Variants in ARPP21 observed in about 807,000 individuals in gnomAD.
The protein encoded by ARPP21 is cAMP regulated phosphoprotein 21, also known as cAMP-regulated phosphoprotein 21.
Under a neutral mutation model 113.2 loss-of-function variants are expected in ARPP21, and 69 were observed. The observed-to-expected ratio is 0.61, with a 90% CI of 0.50 to 0.74. The LOEUF (loss-of-function observed/expected upper bound fraction) is 0.74. Ranked by LOEUF, ARPP21 falls within the 30% of genes least tolerant of loss-of-function variation. The pLI is 0.00. For missense variants in ARPP21, 1,070 were observed against 1,037.4 expected (o/e 1.03, Z -0.43); for synonymous variants, 368 against 375.5 (o/e 0.98, Z 0.23).
chr3:35,777,576 A>G (rs190640334), intron 19 of ARPP21, among the ~76,000 whole-genome samples: 1 of 152,216 alleles, frequency 6.6e-6, no homozygotes, highest in Non-Finnish European at 1.5e-5. Flanking sequence ...ATTATGGCTA[A>G]ATGTACTAAA....
At chr3:35,653,058 A>C (rs1405843983) in intron 1 of ARPP21, among the ~76,000 whole-genome samples, 1 of 152,064 alleles carries the variant, frequency 6.6e-6, no homozygotes, top group African/African-American at 2.4e-5. Flanking sequence ...ATTATGTTTG[A>C]TCAAAAGCTA....
chr3:35,717,413 A>C, intron 13 of ARPP21, 56 bp downstream of exon 13: 1 of 1,032,812 alleles, frequency 9.7e-7, no homozygotes, highest in Non-Finnish European at 1.5e-6. Flanking sequence ...TGGTAGAATC[A>C]ATGTTAAATA....
At chr3:35,759,429 T>A (rs1306206042) in intron 19 of ARPP21, among the ~76,000 whole-genome samples, 1 of 152,124 alleles carries the variant, frequency 6.6e-6, no homozygotes, top group African/African-American at 2.4e-5. Context: ...ATTTTACTGC[T>A]GAGCTTATCA....
At chr3:35,775,083 A>G (rs2096316656) in intron 19 of ARPP21, 1 of 151,838 alleles carries the variant, frequency 6.6e-6, no homozygotes, top group African/African-American at 2.4e-5. Context: ...ATCCCACCCC[A>G]CTCCCCAAAG....
chr3:35,644,996 A>C (rs1465868495), intron 1 of ARPP21, among the ~76,000 whole-genome samples: 2 of 151,982 alleles, frequency 1.3e-5, no homozygotes, highest in Admixed American at 1.3e-4. Flanking sequence ...TAATTGCGAC[A>C]TTAAAATGTT....
At chr3:35,643,095 G>T (rs557361232) in intron 1 of ARPP21, among the ~76,000 whole-genome samples, 1 of 152,088 alleles carries the variant, frequency 6.6e-6, no homozygotes, top group African/African-American at 2.4e-5. Flanking sequence ...GAGGTAGAAA[G>T]TGAGAATGTT....
chr3:35,784,353 G>A (rs992893257), intron 19 of ARPP21, among the ~76,000 whole-genome samples: 4 of 152,172 alleles, frequency 2.6e-5, no homozygotes, highest in African/African-American at 9.7e-5. Context: ...AGCCCTTTGA[G>A]GCTTGAAAGT....
At chr3:35,791,783 A>G (rs188087637) in intron 19 of ARPP21, among the ~76,000 whole-genome samples, 13 of 152,344 alleles carry the variant, frequency 8.5e-5, no homozygotes, top group African/African-American at 3.1e-4. Flanking sequence ...GTGAAACAGA[A>G]GAAAAGCATC....
chr3:35,676,137 A>G (rs919640892), intron 1 of ARPP21, among the ~76,000 whole-genome samples: 1 of 152,004 alleles, frequency 6.6e-6, no homozygotes, highest in Non-Finnish European at 1.5e-5. Flanking sequence ...AGCTCAGTAA[A>G]GACTTGTTAT....
intron 1 of ARPP21, among the ~76,000 whole-genome samples, chr3:35,646,768 C>A (rs913565661): frequency 6.6e-6 from 1 of 152,018 alleles, no homozygotes; most frequent in Non-Finnish European, 1.5e-5. Flanking sequence ...TAACACTCTT[C>A]GATGACTTTG....
In ARPP21 at chr3:35,747,259, G is replaced by A. The variant is rs2095117658; in HGVS notation, c.2137+3294G>A. On this transcript the variant is annotated intron_variant, in intron 19 of 20. Transcript: ENST00000684406. ...ATCCCAGCTACTTGGGGAGGCTGAGGCAGGAGAATCGCTTGAACCTGGGAG... is the reference window on the plus strand; with the variant it reads ...ATCCCAGCTACTTGGGGAGGCTGAGACAGGAGAATCGCTTGAACCTGGGAG... Among the ~76,000 whole-genome samples the A allele has an allele frequency of 2.0e-5, 3 of 151,378 alleles. No individual in the cohort carries two copies. In the South Asian group the frequency reaches 6.3e-4, roughly 32 times the overall value.
chr3:35,736,118 T>C (rs2094334402), intron 15 of ARPP21, among the ~76,000 whole-genome samples: 1 of 152,176 alleles, frequency 6.6e-6, no homozygotes, highest in African/African-American at 2.4e-5. Flanking sequence ...TTCTCTCACT[T>C]ACTGTTTTTT....
intron 19 of ARPP21, among the ~76,000 whole-genome samples, chr3:35,752,362 A>G (rs1169485081): frequency 6.6e-6 from 1 of 152,014 alleles, no homozygotes; most frequent in Non-Finnish European, 1.5e-5. Flanking sequence ...TTGGTGAAGA[A>G]TTGTGAAGTT....
At chr3:35,668,031 A>T (rs188081193) in intron 1 of ARPP21, among the ~76,000 whole-genome samples, 1 of 145,632 alleles carries the variant, frequency 6.9e-6, no homozygotes, top group Non-Finnish European at 1.5e-5. Flanking sequence ...AAGAAGAAGA[A>T]GGAGAAGAAG....
At position 35,739,370 on chromosome 3, in the gene ARPP21, G is replaced by T. The variant is rs368956855; in HGVS notation, c.1803G>T (p.Ser601=). 3.1e-6 allele frequency: 5 copies of T among 1,613,872 alleles called. No individual in the cohort carries two copies. Among genetic ancestry groups the T allele is most frequent in the African/African-American group, 1.3e-5 (1 of 74,862 alleles). ...AGATGACCCTGAGCCGGCAGTCCTC[G>T]GGGGAGACTCCTGAACCCCCATCAG... The part of the protein sequence containing the change: ...FGQMTLSRQS[S]GETPEPPSGP... The change falls in exon 18 of 21, where the codon TCG becomes TCT. Residue 601 remains serine (S), a synonymous_variant. Coordinates refer to ENST00000684406, the MANE Select transcript of ARPP21 (RefSeq NM_001385562.1).
At chr3:35,644,798 G>A (rs951274774) in intron 1 of ARPP21, among the ~76,000 whole-genome samples, 8 of 151,850 alleles carry the variant, frequency 5.3e-5, no homozygotes, top group Non-Finnish European at 1.2e-4. Context: ...ATTGCCAGGT[G>A]GAGAGAATGT....
At chr3:35,748,098 G>GAAAA (rs199555846) in intron 19 of ARPP21, among the ~76,000 whole-genome samples, 1 of 127,658 alleles carries the variant, frequency 7.8e-6, no homozygotes, top group African/African-American at 3.2e-5. Context: ...AAGAAAGAAA[G>GAAAA]AAAGAAAGAA....
intron 19 of ARPP21, among the ~76,000 whole-genome samples, chr3:35,753,731 T>C (rs2095478993): frequency 6.6e-6 from 1 of 152,016 alleles, no homozygotes; most frequent in African/African-American, 2.4e-5. Flanking sequence ...TTTTGTTCCT[T>C]CTTTTAGAAG....
In ARPP21 at chr3:35,725,019, C is replaced by G. The variant is rs148955315; in HGVS notation, c.1225+3185C>G. Among the ~76,000 whole-genome samples the G allele has an allele frequency of 4.5e-4, 69 of 152,262 alleles. No homozygotes were observed. In the East Asian group the frequency reaches 0.013, roughly 29 times the overall value. ...TATTCATTATTATTGCAACAGGGAT[C>G]AAGACTATGATCTCTCTTTTTAGAG... is the stretch of plus-strand genomic sequence containing the variant. On this transcript the variant is annotated intron_variant, in intron 14 of 20. Coordinates refer to ENST00000684406, the MANE Select transcript of ARPP21 (RefSeq NM_001385562.1).
Sources: gnomAD v4.1 joint callset for allele counts (sites outside exome capture counted in the v4.1 genomes callset) on GRCh38, gnomAD v4.1.1 for gene constraint, MANE v1.5 for transcripts, NCBI Gene and HGNC (gene_info 2026-07-23, HGNC 2026-07-21) for gene names.